SDK1: variants seen among roughly 807,000 people sequenced by gnomAD.
SDK1 encodes protein sidekick-1.
In SDK1, 157 loss-of-function variants were observed where a neutral mutation model predicts 245.5. The observed-to-expected ratio is 0.64, with a 90% confidence interval of 0.56 to 0.73. The LOEUF (loss-of-function observed/expected upper bound fraction) is 0.73, where lower values mean the gene tolerates loss of function less well. Among genes scored for constraint, SDK1 ranks in the 30% least tolerant of loss-of-function variants. The pLI, the probability that SDK1 is intolerant of heterozygous loss-of-function variation, is 0.00. For synonymous variants in SDK1, 1,647 were observed against 1,278.5 expected (o/e 1.29, Z -6.15); for missense variants, 3,583 against 3,002.3 (o/e 1.19, Z -4.52).
intron 26 of SDK1, chr7:4,129,703 C>A (rs1435515680): frequency 1.4e-6 from 2 of 1,414,946 alleles, no homozygotes; most frequent in Non-Finnish European, 1.8e-6. Context: ...ACTCAAGCTC[C>A]CCTGGAGCGC....
intron 1 of SDK1, among the ~76,000 whole-genome samples, chr7:3,464,700 A>ATG (rs762409862): frequency 7.4e-5 from 11 of 148,934 alleles, no homozygotes; most frequent in African/African-American, 2.0e-4. Context: ...GTATGTATGT[A>ATG]TATATATATA....
intron 1 of SDK1, among the ~76,000 whole-genome samples, chr7:3,309,244 A>T (rs1779492058): frequency 1.3e-5 from 2 of 152,038 alleles, no homozygotes; most frequent in African/African-American, 4.8e-5. Flanking sequence ...AATGAAAGAG[A>T]TTTTGATAGG....
chr7:3,922,179 C>T (rs562329090), intron 5 of SDK1, among the ~76,000 whole-genome samples: 26 of 151,930 alleles, frequency 1.7e-4, no homozygotes, highest in Admixed American at 8.5e-4. Context: ...TTAGTTAAGA[C>T]GCCGGAGAAG....
At chr7:3,762,275 T>C (rs1290588613) in intron 4 of SDK1, among the ~76,000 whole-genome samples, 1 of 152,182 alleles carries the variant, frequency 6.6e-6, no homozygotes, top group Non-Finnish European at 1.5e-5. Flanking sequence ...TCTGTGGGCA[T>C]TTTTGGTGGT....
chr7:3,571,702 AT>A (rs1354782508), intron 1 of SDK1, among the ~76,000 whole-genome samples: 1 of 152,062 alleles, frequency 6.6e-6, no homozygotes, highest in Admixed American at 6.5e-5. Flanking sequence ...TTTTGAAGTA[AT>A]CTGCTTTGAA....
Position 3,583,716 on chromosome 7 carries a change from A to G in SDK1, c.299-35364A>G, listed in dbSNP as rs79161968. ...GAGTCCCAGGTGCCCCCTGAGAGGC[A>G]TGGCATGCCACAGAAGGCATTGGCA... On this transcript the variant is annotated intron_variant, in intron 1 of 44. Transcript: ENST00000404826. 5.1e-3 allele frequency among the ~76,000 whole-genome samples: 774 copies of G among 152,290 alleles called. 6 individuals are homozygous for G. Among genetic ancestry groups the G allele is most frequent in the South Asian group, 0.018 (85 of 4,810 alleles).
chr7:4,027,958 G>A (rs547733020), intron 17 of SDK1, among the ~76,000 whole-genome samples: 1 of 151,876 alleles, frequency 6.6e-6, no homozygotes, highest in South Asian at 2.1e-4. Flanking sequence ...AGCAGGGGAA[G>A]AATGGAGGAG....
At chr7:3,808,774 C>T (rs1412161523) in intron 4 of SDK1, among the ~76,000 whole-genome samples, 1 of 152,134 alleles carries the variant, frequency 6.6e-6, no homozygotes, top group Non-Finnish European at 1.5e-5. Flanking sequence ...CACTGGCGGG[C>T]TGTCTGATAA....
chr7:3,400,711 G>A (rs1305026523), intron 1 of SDK1, among the ~76,000 whole-genome samples: 1 of 152,138 alleles, frequency 6.6e-6, no homozygotes, highest in Non-Finnish European at 1.5e-5. Context: ...GTTTTATTTT[G>A]TAGTTGGTGG....
intron 4 of SDK1, among the ~76,000 whole-genome samples, chr7:3,702,394 C>T (rs368293385): frequency 6.6e-6 from 1 of 152,200 alleles, no homozygotes; most frequent in African/African-American, 2.4e-5. Context: ...TTTCAACTCA[C>T]TTCTTGGAAG....
chr7:3,711,388 G>A (rs1270346443), intron 4 of SDK1, among the ~76,000 whole-genome samples: 1 of 152,168 alleles, frequency 6.6e-6, no homozygotes, highest in Non-Finnish European at 1.5e-5. Context: ...AAATTTACCT[G>A]GGAGAGACAG....
chr7:3,872,463 A>G (rs1178323491), intron 5 of SDK1, among the ~76,000 whole-genome samples: 1 of 152,026 alleles, frequency 6.6e-6, no homozygotes, highest in Non-Finnish European at 1.5e-5. Flanking sequence ...GTTAATACAT[A>G]TAAGACTATT....
intron 1 of SDK1, among the ~76,000 whole-genome samples, chr7:3,512,294 A>C (rs768925707): frequency 6.6e-6 from 1 of 152,124 alleles, no homozygotes; most frequent in Non-Finnish European, 1.5e-5. Flanking sequence ...CATTTGTTTG[A>C]TAACTCACTT....
chr7:3,722,086 C>T (rs1185016308), intron 4 of SDK1, among the ~76,000 whole-genome samples: 1 of 151,946 alleles, frequency 6.6e-6, no homozygotes, highest in Non-Finnish European at 1.5e-5. Flanking sequence ...CACCATGTTA[C>T]CCAGGCTGGT....
chr7:3,970,992 C>T (rs906738154), intron 11 of SDK1, among the ~76,000 whole-genome samples: 5 of 152,060 alleles, frequency 3.3e-5, no homozygotes, highest in East Asian at 1.9e-4. Context: ...CATCTCTGAG[C>T]GTCCATCTTC....
intron 20 of SDK1, among the ~76,000 whole-genome samples, chr7:4,075,753 C>T (rs1006381219): frequency 1.3e-5 from 2 of 151,746 alleles, no homozygotes; most frequent in Admixed American, 6.6e-5. Context: ...CTCCCAGGTT[C>T]GAGTGATTCT....
At chr7:3,849,926 T>C (rs1438401868) in intron 5 of SDK1, among the ~76,000 whole-genome samples, 1 of 152,210 alleles carries the variant, frequency 6.6e-6, no homozygotes, top group African/African-American at 2.4e-5. Flanking sequence ...TTAGCTTGGC[T>C]GGAGAGAGAA....
intron 35 of SDK1, among the ~76,000 whole-genome samples, chr7:4,182,018 C>A (rs1382724578): frequency 6.6e-6 from 1 of 152,180 alleles, no homozygotes; most frequent in African/African-American, 2.4e-5. Context: ...CTCCCAGGTT[C>A]AAGCAATTCT....
At chr7:3,743,976 A>G (rs1367751638) in intron 4 of SDK1, among the ~76,000 whole-genome samples, 1 of 152,142 alleles carries the variant, frequency 6.6e-6, no homozygotes, top group African/African-American at 2.4e-5. Flanking sequence ...AATTAATAAG[A>G]CACTATTAAT....
Sources: allele counts gnomAD v4.1 joint callset (sites outside exome capture counted in the v4.1 genomes callset), GRCh38; gene constraint gnomAD v4.1.1; transcripts MANE v1.5; gene names NCBI Gene and HGNC (gene_info 2026-07-23, HGNC 2026-07-21).